INSC: variants seen among roughly 807,000 people sequenced by gnomAD.
The protein encoded by INSC is INSC spindle orientation adaptor protein.
Under a neutral mutation model 58.6 loss-of-function variants are expected in INSC, and 67 were observed. The ratio of observed to expected loss-of-function variants is 1.14; its 90% CI spans 0.94 to 1.40. The LOEUF (loss-of-function observed/expected upper bound fraction) is 1.40, where lower values mean the gene tolerates loss of function less well. Ranked by LOEUF, INSC falls within the 40% of genes most tolerant of loss-of-function variation. The probability of loss-of-function intolerance (pLI) is 0.00; values close to 1 mark genes in which losing one functional copy is unlikely to be tolerated. For missense variants in INSC, 714 were observed against 692.0 expected (o/e 1.03, Z -0.36); for synonymous variants, 262 against 276.1 (o/e 0.95, Z 0.51).
intron 7 of INSC, among the ~76,000 whole-genome samples, chr11:15,210,025 C>G (rs1179068776): frequency 6.6e-6 from 1 of 152,180 alleles, no homozygotes; most frequent in East Asian, 1.9e-4. Flanking sequence ...GCCCTAAGCC[C>G]AAGTTCTTAG....
At chr11:15,182,498 G>A (rs548270989) in intron 5 of INSC, among the ~76,000 whole-genome samples, 49 of 152,256 alleles carry the variant, frequency 3.2e-4, no homozygotes, top group Admixed American at 2.7e-3. Context: ...TCTCATTGAC[G>A]GGCATTTGAA....
the INSC span, among the ~76,000 whole-genome samples, chr11:15,257,365 A>T: frequency 8.1e-4 from 123 of 152,292 alleles, 1 homozygote; most frequent in East Asian, 0.023. Context: ...ATCTCAACAT[A>T]TTGTTGGAGT....
At chr11:15,194,084 A>C (rs1479905780) in intron 6 of INSC, among the ~76,000 whole-genome samples, 1 of 152,248 alleles carries the variant, frequency 6.6e-6, no homozygotes, top group African/African-American at 2.4e-5. Context: ...ATTAATTATA[A>C]TGGGAGTTGT....
At chr11:15,185,858 CT>C (rs1417714925) in intron 5 of INSC, among the ~76,000 whole-genome samples, 1 of 151,954 alleles carries the variant, frequency 6.6e-6, no homozygotes, top group Non-Finnish European at 1.5e-5. Context: ...GTTTTTTAAA[CT>C]TATGATAAAA....
At chr11:15,175,139 T>C (rs1375833597) in intron 2 of INSC, among the ~76,000 whole-genome samples, 1 of 152,248 alleles carries the variant, frequency 6.6e-6, no homozygotes, top group Non-Finnish European at 1.5e-5. Flanking sequence ...ACATTACTCC[T>C]TAAGAGCCTT....
intron 1 of INSC, among the ~76,000 whole-genome samples, chr11:15,142,570 C>T (rs1443518162): frequency 2.6e-5 from 4 of 152,172 alleles, no homozygotes; most frequent in East Asian, 1.9e-4. Flanking sequence ...TGTCCCGCTT[C>T]GGGGGAGGGT....
intron 2 of INSC, among the ~76,000 whole-genome samples, chr11:15,165,504 C>T (rs1418829667): frequency 3.9e-5 from 6 of 152,264 alleles, no homozygotes; most frequent in Middle Eastern, 3.4e-3. Flanking sequence ...TCCAAAGTTA[C>T]GTAGCTAGCC....
At chr11:15,237,885 A>G (rs1017242929) in intron 10 of INSC, among the ~76,000 whole-genome samples, 7 of 152,202 alleles carry the variant, frequency 4.6e-5, no homozygotes, top group Non-Finnish European at 8.8e-5. Context: ...AGATTTTTAT[A>G]GAAATCCTCC....
At chr11:15,213,852 T>G (rs989184466) in intron 7 of INSC, among the ~76,000 whole-genome samples, 1 of 152,222 alleles carries the variant, frequency 6.6e-6, no homozygotes, top group African/African-American at 2.4e-5. Flanking sequence ...CTGGGATATA[T>G]TAGTTTGGAG....
intron 1 of INSC, among the ~76,000 whole-genome samples, chr11:15,131,198 C>T (rs1283384772): frequency 4.6e-5 from 7 of 152,002 alleles, no homozygotes; most frequent in Non-Finnish European, 8.8e-5. Flanking sequence ...TCTATTTTAT[C>T]TATATACTAC....
intron 1 of INSC, 38 bp from the exon 2 acceptor site, chr11:15,149,092 T>A (rs1459085271): frequency 6.5e-7 from 1 of 1,528,570 alleles, no homozygotes. Context: ...GCCTCCTCTT[T>A]TAGGATCTCG....
chr11:15,157,344 G>C (rs1305382061), intron 2 of INSC, among the ~76,000 whole-genome samples: 1 of 152,232 alleles, frequency 6.6e-6, no homozygotes, highest in Admixed American at 6.5e-5. Flanking sequence ...AAGGGAATGT[G>C]ACTCATTGCC....
At chr11:15,159,950 C>T (rs1848956902) in intron 2 of INSC, among the ~76,000 whole-genome samples, 1 of 152,214 alleles carries the variant, frequency 6.6e-6, no homozygotes, top group Non-Finnish European at 1.5e-5. Flanking sequence ...ATTATTCCCA[C>T]TTGAAAAATG....
chr11:15,130,693 G>T lies in INSC; in HGVS notation c.-46+15690G>T, dbSNP rs185529687. 2.9e-4 allele frequency among the ~76,000 whole-genome samples: 44 copies of T among 152,102 alleles called. No homozygotes were observed. The East Asian group carries it at 7.9e-3, about 27-fold the overall frequency. On this transcript the variant is annotated intron_variant, in intron 1 of 12. Transcript: ENST00000379556. ...TATAAACTCATGCTTCTCTGGGTTT[G>T]GTGTTTTCCTTACGGGAAGATTTTC...
At chr11:15,223,748 A>AT (rs1049844031) in intron 8 of INSC, among the ~76,000 whole-genome samples, 4 of 152,190 alleles carry the variant, frequency 2.6e-5, no homozygotes, top group East Asian at 1.9e-4. Context: ...GACTCCAGTG[A>AT]TTTTCCCAAA....
At chr11:15,123,326 G>C (rs1847918372) in intron 1 of INSC, among the ~76,000 whole-genome samples, 1 of 152,148 alleles carries the variant, frequency 6.6e-6, no homozygotes, top group African/African-American at 2.4e-5. Flanking sequence ...GATGAGCTCT[G>C]TGAGTGTTGG....
intron 2 of INSC, among the ~76,000 whole-genome samples, chr11:15,173,438 G>A (rs772421592): frequency 7.2e-5 from 11 of 152,242 alleles, no homozygotes; most frequent in Non-Finnish European, 1.5e-4. Flanking sequence ...GCAAATATAA[G>A]GGAATGGTAA....
chr11:15,195,633 A>T (rs1850344317), intron 6 of INSC, among the ~76,000 whole-genome samples: 1 of 152,212 alleles, frequency 6.6e-6, no homozygotes, highest in Admixed American at 6.5e-5. Context: ...AGCCAAGATG[A>T]TGTTTGACCT....
chr11:15,253,221 A>G, the INSC span, among the ~76,000 whole-genome samples: 1 of 152,182 alleles, frequency 6.6e-6, no homozygotes, highest in East Asian at 1.9e-4. Context: ...ACGCCCTTTG[A>G]ATTTTTTTGC....
Sources: gnomAD v4.1 joint callset for allele counts (sites outside exome capture counted in the v4.1 genomes callset) on GRCh38, gnomAD v4.1.1 for gene constraint, MANE v1.5 for transcripts, NCBI Gene and HGNC (gene_info 2026-07-23, HGNC 2026-07-21) for gene names.